Variants in TPRG1 observed in about 807,000 individuals in gnomAD.
TPRG1 encodes the protein tumor protein p63 regulated 1.
A neutral mutation model predicts 29.3 loss-of-function variants in TPRG1; 29 were observed. The ratio of observed to expected loss-of-function variants is 0.99; its 90% CI spans 0.74 to 1.35. The LOEUF is 1.35. Ranked by LOEUF, TPRG1 falls within the 40% of genes most tolerant of loss-of-function variation. The pLI is 0.00. For synonymous variants in TPRG1, 130 were observed against 116.8 expected, an observed-to-expected ratio of 1.11 and a Z score of -0.73; for missense variants, 327 against 335.0, an observed-to-expected ratio of 0.98 and a Z score of 0.19.
chr3:189,185,380 C>T (rs895277135), intron 1 of TPRG1, among the ~76,000 whole-genome samples: 1 of 152,014 alleles, frequency 6.6e-6, no homozygotes, highest in Non-Finnish European at 1.5e-5. Flanking sequence ...TATGCCACTC[C>T]AGCTGGGTAT....
intron 1 of TPRG1, among the ~76,000 whole-genome samples, chr3:189,104,974 C>A (rs1474599253): frequency 6.6e-6 from 1 of 152,160 alleles, no homozygotes; most frequent in African/African-American, 2.4e-5. Flanking sequence ...AAGCCAGGTA[C>A]CTGGGTCCTT....
chr3:189,138,637 A>G (rs1334036870), intron 3 of TPRG1, among the ~76,000 whole-genome samples: 1 of 152,156 alleles, frequency 6.6e-6, no homozygotes, highest in African/African-American at 2.4e-5. Context: ...AGTTGTGTAC[A>G]TCACTCCTGT....
intron 4 of TPRG1, among the ~76,000 whole-genome samples, chr3:189,249,063 G>A (rs1482420610): frequency 2.6e-5 from 4 of 151,092 alleles, no homozygotes; most frequent in Non-Finnish European, 5.9e-5. Context: ...TAAGTGGTAC[G>A]GAGATCTACT....
chr3:189,256,723 CTCT>C (rs1275256035), intron 4 of TPRG1, among the ~76,000 whole-genome samples: 2 of 152,154 alleles, frequency 1.3e-5, no homozygotes, highest in Non-Finnish European at 2.9e-5. Context: ...GGATAGTTAG[CTCT>C]TCTTGTTGCA....
chr3:189,150,292 C>G (rs1160695946), intron 4 of TPRG1, among the ~76,000 whole-genome samples: 2 of 152,198 alleles, frequency 1.3e-5, no homozygotes, highest in Non-Finnish European at 2.9e-5. Context: ...AAGCAATTCT[C>G]AAGCCTCAGC....
intron 4 of TPRG1, among the ~76,000 whole-genome samples, chr3:189,285,824 G>A (rs953666894): frequency 6.6e-6 from 1 of 152,128 alleles, no homozygotes; most frequent in Non-Finnish European, 1.5e-5. Flanking sequence ...CCCCTTAGAC[G>A]ATTCTGCCTT....
At chr3:189,133,738 C>G (rs1190401841) in intron 3 of TPRG1, among the ~76,000 whole-genome samples, 1 of 152,164 alleles carries the variant, frequency 6.6e-6, no homozygotes, top group Non-Finnish European at 1.5e-5. Context: ...CACATGGCTC[C>G]TCACTTACAG....
chr3:189,023,057 A>T (rs1222334394), intron 3 of TPRG1, among the ~76,000 whole-genome samples: 12 of 152,310 alleles, frequency 7.9e-5, no homozygotes, highest in Non-Finnish European at 1.3e-4. Flanking sequence ...GCACTTCCCG[A>T]GTGAGGCAAT....
chr3:189,076,322 G>C (rs1467418808), intron 4 of TPRG1, among the ~76,000 whole-genome samples: 1 of 152,170 alleles, frequency 6.6e-6, no homozygotes, highest in Non-Finnish European at 1.5e-5. Context: ...AATTACCAGA[G>C]TTTGGTTCCT....
intron 4 of TPRG1, among the ~76,000 whole-genome samples, chr3:189,264,090 C>G (rs1349734130): frequency 6.6e-6 from 1 of 152,174 alleles, no homozygotes; most frequent in African/African-American, 2.4e-5. Context: ...AATTTGAATT[C>G]TTATCCCAAT....
chr3:189,281,344 T>TA (rs1478998473), intron 4 of TPRG1, among the ~76,000 whole-genome samples: 1 of 152,092 alleles, frequency 6.6e-6, no homozygotes, highest in Non-Finnish European at 1.5e-5. Flanking sequence ...CTTTATTGAT[T>TA]AAAAAAATGG....
chr3:189,073,294 G>C (rs1416443612), intron 4 of TPRG1, among the ~76,000 whole-genome samples: 1 of 152,110 alleles, frequency 6.6e-6, no homozygotes, highest in Non-Finnish European at 1.5e-5. Context: ...CAAGAACTCT[G>C]GCTTCCAGGG....
intron 1 of TPRG1, among the ~76,000 whole-genome samples, chr3:189,177,161 G>A (rs115692009): frequency 0.011 from 1,609 of 152,204 alleles, 34 homozygotes; most frequent in African/African-American, 0.037. Context: ...TAGAATGAGG[G>A]ATAGTGAGAC....
chr3:189,248,673 A>G (rs1234448988), intron 4 of TPRG1, among the ~76,000 whole-genome samples: 1 of 151,184 alleles, frequency 6.6e-6, no homozygotes, highest in Non-Finnish European at 1.5e-5. Context: ...TATTGTTTGT[A>G]CATTTCCTCT....
chr3:189,047,853 G>A (rs1217261757), intron 4 of TPRG1, among the ~76,000 whole-genome samples: 1 of 152,074 alleles, frequency 6.6e-6, no homozygotes, highest in African/African-American at 2.4e-5. Flanking sequence ...ACATCTTCAG[G>A]CTCCACTTCT....
At chr3:189,282,215 C>CAAAAGAA (rs1553938118) in intron 4 of TPRG1, among the ~76,000 whole-genome samples, 8 of 94,714 alleles carry the variant, frequency 8.4e-5, no homozygotes, top group African/African-American at 2.7e-4. Flanking sequence ...TAGTCCTTTC[C>CAAAAGAA]AAAAAAAAAA....
chr3:189,198,353 A>G (rs966852313), intron 1 of TPRG1, among the ~76,000 whole-genome samples: 3 of 152,108 alleles, frequency 2.0e-5, no homozygotes, highest in African/African-American at 7.2e-5. Context: ...TACTCCTATC[A>G]TGACTCTATC....
intron 1 of TPRG1, among the ~76,000 whole-genome samples, chr3:189,111,461 T>G (rs1173808455): frequency 6.6e-6 from 1 of 152,144 alleles, no homozygotes; most frequent in Non-Finnish European, 1.5e-5. Context: ...GGATTTAGCC[T>G]CATCATAAAT....
intron 5 of TPRG1, among the ~76,000 whole-genome samples, chr3:189,157,515 T>G (rs568366216): frequency 1.3e-5 from 2 of 152,288 alleles, no homozygotes; most frequent in South Asian, 4.1e-4. Context: ...TCCTTCTGAC[T>G]TGGAGCTCTG....
Sources: allele counts gnomAD v4.1 joint callset (sites outside exome capture counted in the v4.1 genomes callset), GRCh38; gene constraint gnomAD v4.1.1; transcripts MANE v1.5; gene names NCBI Gene and HGNC (gene_info 2026-07-23, HGNC 2026-07-21).